The following MGAT4D variants were observed in gnomAD, a reference collection of about 807,000 sequenced individuals.
The protein encoded by MGAT4D is alpha-1,3-mannosyl-glycoprotein 4-beta-N-acetylglucosaminyltransferase-like protein MGAT4D.
In MGAT4D, 34 loss-of-function variants were observed where a neutral mutation model predicts 15.9. That is an observed-to-expected ratio of 2.14 (90% CI 1.62 to 2.84). The LOEUF (loss-of-function observed/expected upper bound fraction) is 2.84. Among genes scored for constraint, MGAT4D ranks in the 30% most tolerant of loss-of-function variants. The probability of loss-of-function intolerance (pLI) is 0.00; values close to 1 mark genes in which losing one functional copy is unlikely to be tolerated. For missense variants in MGAT4D, 327 were observed against 140.2 expected (o/e 2.33, Z -6.73); for synonymous variants, 112 against 48.2 (o/e 2.33, Z -5.49).
rs1729890447 is a variant in MGAT4D at position 140,443,384 on chromosome 4, T to C, written c.*52A>G. On this transcript the variant is annotated 3_prime_UTR_variant, in exon 11 of 11. Coordinates refer to ENST00000511113, the MANE Select transcript of MGAT4D (RefSeq NM_001277353.2). Reference sequence around the variant, plus strand: ...ACAATTTCTGAAACATGCCATTAGATATCAAGGTTATCTGAGGTTCCAGGT... The same window carrying C: ...ACAATTTCTGAAACATGCCATTAGACATCAAGGTTATCTGAGGTTCCAGGT... 2 of 499,518 alleles carry C rather than the reference T, an allele frequency of 4.0e-6. No homozygotes were observed. Among genetic ancestry groups the C allele is most frequent in the Middle Eastern group, 2.9e-4 (1 of 3,424 alleles). 30.9% of individuals were successfully genotyped at this position (499,518 alleles called of 1,614,324 possible).
At chr4:140,456,074 G>A (rs1412053054) in intron 9 of MGAT4D, among the ~76,000 whole-genome samples, 2 of 152,216 alleles carry the variant, frequency 1.3e-5, no homozygotes, top group Non-Finnish European at 2.9e-5. Context: ...GGAGGTTGAG[G>A]CTGCAGTGAG....
At chr4:140,497,360 C>T (rs1301201282) in intron 1 of MGAT4D, among the ~76,000 whole-genome samples, 1 of 151,992 alleles carries the variant, frequency 6.6e-6, no homozygotes, top group African/African-American at 2.4e-5. Flanking sequence ...TATAGGATAC[C>T]TGGTTAAATT....
chr4:140,480,728 A>AACACACACACAC (rs10615827), intron 2 of MGAT4D, among the ~76,000 whole-genome samples: 23 of 125,686 alleles, frequency 1.8e-4, no homozygotes, highest in Non-Finnish European at 2.7e-4. Context: ...CTCATCTCTA[A>AACACACACACAC]ACACACACAC....
At chr4:140,455,188 T>C (rs1285790358) in intron 9 of MGAT4D, among the ~76,000 whole-genome samples, 1 of 152,198 alleles carries the variant, frequency 6.6e-6, no homozygotes, top group Non-Finnish European at 1.5e-5. Flanking sequence ...GAGATCTTTC[T>C]TCTCTTCTAA....
intron 10 of MGAT4D, among the ~76,000 whole-genome samples, chr4:140,449,151 A>T (rs574055889): frequency 1.3e-5 from 2 of 152,214 alleles, no homozygotes; most frequent in East Asian, 3.9e-4. Context: ...CAATTAAGCA[A>T]AAAACTTTCT....
At chr4:140,498,080 C>G (rs1490460544) in intron 1 of MGAT4D, 49 bp downstream of exon 1, 2 of 693,048 alleles carry the variant, frequency 2.9e-6, no homozygotes, top group African/African-American at 1.8e-5. Context: ...CCTGCAGCCC[C>G]GAAGCCCCCG....
intron 1 of MGAT4D, among the ~76,000 whole-genome samples, chr4:140,487,291 A>G (rs1733206856): frequency 6.6e-6 from 1 of 152,220 alleles, no homozygotes; most frequent in African/African-American, 2.4e-5. Flanking sequence ...GCATCTCTGT[A>G]GTGAAATTAT....
chr4:140,485,089 G>C (rs2126842355), intron 1 of MGAT4D, among the ~76,000 whole-genome samples: 1 of 152,288 alleles, frequency 6.6e-6, no homozygotes, highest in South Asian at 2.1e-4. Context: ...CTGCTATAAA[G>C]ACACATGCAC....
At chr4:140,450,768 T>C (rs1007345183) in intron 10 of MGAT4D, among the ~76,000 whole-genome samples, 15 of 152,164 alleles carry the variant, frequency 9.9e-5, no homozygotes, top group Admixed American at 2.0e-4. Flanking sequence ...TTAAACTCTT[T>C]GAAGCTTTTA....
Position 140,443,441 on chromosome 4 carries a change from T to C in MGAT4D, c.1120A>G (p.Ile374Val). Residue 374 changes from isoleucine to valine, a missense_variant, in exon 11 of 11, where the codon ATA becomes GTA. Physicochemically the swap from Ile to Val is conservative, Grantham distance 29. Transcript: ENST00000511113. ...GAGTTTCTTCTTATTTATCTTCATA[T>C]TTTCTGAAATGAAAACAAAAAATGT... ...FPRKEQYEKK[I>V] 1 of 547,538 alleles carries C rather than the reference T, an allele frequency of 1.8e-6. No individual in the cohort carries two copies. Among genetic ancestry groups the C allele is most frequent in the Non-Finnish European group, 3.3e-6 (1 of 305,136 alleles). 33.9% of individuals were successfully genotyped at this position (547,538 alleles called of 1,614,324 possible). A position where few individuals can be genotyped will look rare whatever the true frequency, so the allele number is the denominator to read the frequency against.
intron 5 of MGAT4D, among the ~76,000 whole-genome samples, chr4:140,468,681 G>T (rs1170360695): frequency 6.6e-6 from 1 of 151,842 alleles, no homozygotes; most frequent in African/African-American, 2.4e-5. Flanking sequence ...TTTTTCCTGG[G>T]GAGTCTTTTA....
intron 1 of MGAT4D, among the ~76,000 whole-genome samples, chr4:140,491,662 G>GTTTGC (rs1406249880): frequency 6.6e-6 from 1 of 151,854 alleles, no homozygotes; most frequent in African/African-American, 2.4e-5. Flanking sequence ...TCTGGCAAAG[G>GTTTGC]CAGAGGTAGG....
chr4:140,471,745 TA>T, intron 5 of MGAT4D, 29 bp downstream of exon 5: 1 of 437,828 alleles, frequency 2.3e-6, no homozygotes, highest in Non-Finnish European at 4.1e-6. Context: ...AAAGAATGGC[TA>T]ATGTAAAAAT....
chr4:140,453,133 G>A (rs933303028), intron 9 of MGAT4D, among the ~76,000 whole-genome samples: 7 of 152,078 alleles, frequency 4.6e-5, no homozygotes, highest in African/African-American at 1.4e-4. Flanking sequence ...AATAAAGGTG[G>A]CTTGTCTTGA....
At chr4:140,468,060 A>G (rs1560780116) in intron 5 of MGAT4D, among the ~76,000 whole-genome samples, 1 of 98,794 alleles carries the variant, frequency 1.0e-5, no homozygotes, top group Non-Finnish European at 2.1e-5. Flanking sequence ...TCACTATTAA[A>G]TTATTCTATT....
At chr4:140,488,769 T>TG (rs1469748325) in intron 1 of MGAT4D, among the ~76,000 whole-genome samples, 1 of 152,188 alleles carries the variant, frequency 6.6e-6, no homozygotes, top group Admixed American at 6.5e-5. Context: ...ATTTGAGTCA[T>TG]GGGGGAAGAT....
Position 140,451,449 on chromosome 4 carries a change from A to G in MGAT4D, c.1077T>C (p.Gly359=). ...QYKPSLFQHV[G]IHSSFPRKEQ... ...CTTTTCTAGGGAATGATGAATGTAT[A>G]CCCACATGCTGGAAAAGAGAAGGTT... The change falls in exon 10 of 11, where the codon GGT becomes GGC. Residue 359 remains glycine (G), a synonymous_variant. Coordinates refer to ENST00000511113, the MANE Select transcript of MGAT4D (RefSeq NM_001277353.2). 3.2e-6 allele frequency: 2 copies of G among 633,884 alleles called. No homozygotes were observed. The highest frequency in any genetic ancestry group is 5.8e-6 in the Non-Finnish European group (2 of 346,868). 39.3% of individuals were successfully genotyped at this position (633,884 alleles called of 1,614,324 possible).
At chr4:140,497,673 G>C (rs965032107) in intron 1 of MGAT4D, among the ~76,000 whole-genome samples, 7 of 152,218 alleles carry the variant, frequency 4.6e-5, no homozygotes, top group Non-Finnish European at 1.0e-4. Flanking sequence ...CCAGGGAGGA[G>C]GGAGGCATGA....
At chr4:140,464,271 A>G (rs1309868193) in intron 6 of MGAT4D, among the ~76,000 whole-genome samples, 1 of 152,234 alleles carries the variant, frequency 6.6e-6, no homozygotes, top group African/African-American at 2.4e-5. Context: ...TTGAGGGACC[A>G]AATTATTACA....
Sources: gnomAD v4.1 joint callset for allele counts (sites outside exome capture counted in the v4.1 genomes callset) on GRCh38, gnomAD v4.1.1 for gene constraint, MANE v1.5 for transcripts, NCBI Gene and HGNC (gene_info 2026-07-23, HGNC 2026-07-21) for gene names.